CTNNA1: variants seen among roughly 807,000 people sequenced by gnomAD.
CTNNA1 encodes catenin alpha 1, also known as catenin alpha-1.
A neutral mutation model predicts 98.4 loss-of-function variants in CTNNA1; 37 were observed. The observed-to-expected ratio is 0.38, with a 90% CI of 0.29 to 0.49. CTNNA1 has a LOEUF of 0.49. CTNNA1 is among the 20% of genes least tolerant of loss of function. The pLI, the probability that CTNNA1 is intolerant of heterozygous loss-of-function variation, is 0.95. For synonymous variants in CTNNA1, 404 were observed against 413.2 expected (o/e 0.98, Z 0.27); for missense variants, 761 against 1,147.2 (o/e 0.66, Z 4.86).
chr5:138,879,948 AG>A (rs1330570756), intron 7 of CTNNA1, among the ~76,000 whole-genome samples: 1 of 152,150 alleles, frequency 6.6e-6, no homozygotes, highest in Admixed American at 6.5e-5. Flanking sequence ...GGGAAGTTTC[AG>A]GGTCAGAATC....
At chr5:138,770,589 T>C (rs1753428344) in intron 1 of CTNNA1, among the ~76,000 whole-genome samples, 1 of 152,220 alleles carries the variant, frequency 6.6e-6, no homozygotes, top group African/African-American at 2.4e-5. Context: ...CCTGGAATGC[T>C]CTCTTCCTCC....
At chr5:138,780,516 A>G (rs894289018) in intron 1 of CTNNA1, among the ~76,000 whole-genome samples, 1 of 148,134 alleles carries the variant, frequency 6.8e-6, no homozygotes, top group African/African-American at 2.5e-5. Context: ...TTTAATTTTT[A>G]TTATTATTAT....
chr5:138,934,321 A>G lies in CTNNA1; in HGVS notation c.*232A>G, dbSNP rs1386349372. 1 of 511,078 alleles carries G rather than the reference A, an allele frequency of 2.0e-6. No homozygotes were observed. Among genetic ancestry groups the G allele is most frequent in the African/African-American group, 1.9e-5 (1 of 51,886 alleles). The allele number at this position is 511,078 out of a possible 1,614,324, so 31.7% of individuals were successfully genotyped here. On this transcript the variant is annotated 3_prime_UTR_variant, in exon 18 of 18. Coordinates refer to ENST00000302763, the MANE Select transcript of CTNNA1 (RefSeq NM_001903.5). ...GTATTTTTTGTATGCTTAAATAAAA[A>G]TAAAAATTCATAACCAAAGAGAATC...
Position 138,757,651 on chromosome 5 carries a change from G to A in CTNNA1, c.-3+4141G>A, listed in dbSNP as rs138856165. Among the ~76,000 whole-genome samples the A allele has an allele frequency of 3.5e-3, 536 of 152,230 alleles. 1 individual carries two copies. Among genetic ancestry groups the A allele is most frequent in the Non-Finnish European group, 4.9e-3 (336 of 68,024 alleles). Reference sequence around the variant, plus strand: ...GGTGGTGCATTACATTATGCTGTACGTTATTATTGATGTACCTGTTTGCCT... The same window carrying A: ...GGTGGTGCATTACATTATGCTGTACATTATTATTGATGTACCTGTTTGCCT... On this transcript the variant is annotated intron_variant, in intron 1 of 17. Coordinates refer to ENST00000302763, the MANE Select transcript of CTNNA1 (RefSeq NM_001903.5).
At chr5:138,822,835 C>T (rs928477344) in intron 5 of CTNNA1, among the ~76,000 whole-genome samples, 1 of 152,110 alleles carries the variant, frequency 6.6e-6, no homozygotes, top group African/African-American at 2.4e-5. Context: ...AATAAAGATG[C>T]AAACCTAAAT....
At chr5:138,786,590 T>C (rs2149666467) in intron 3 of CTNNA1, among the ~76,000 whole-genome samples, 1 of 152,324 alleles carries the variant, frequency 6.6e-6, no homozygotes, top group South Asian at 2.1e-4. Context: ...GGGAGCAAAG[T>C]TATAAAAATG....
chr5:138,839,348 C>T (rs1193659314), intron 7 of CTNNA1, among the ~76,000 whole-genome samples: 1 of 151,946 alleles, frequency 6.6e-6, no homozygotes, highest in Non-Finnish European at 1.5e-5. Flanking sequence ...TTACAGGCAC[C>T]CGCCATCACG....
chr5:138,811,246 G>A (rs1311091560), intron 4 of CTNNA1, among the ~76,000 whole-genome samples: 11 of 145,176 alleles, frequency 7.6e-5, no homozygotes, highest in Middle Eastern at 3.4e-3. Context: ...ATGGGGTCGC[G>A]GCCGGGCAGA....
chr5:138,780,434 C>G (rs1303585570), intron 1 of CTNNA1, among the ~76,000 whole-genome samples: 2 of 151,678 alleles, frequency 1.3e-5, no homozygotes, highest in Admixed American at 1.3e-4. Flanking sequence ...ACCTCATGAT[C>G]TGCCCGCCTC....
chr5:138,916,723 T>C (rs1021297835), intron 10 of CTNNA1, among the ~76,000 whole-genome samples: 1 of 151,828 alleles, frequency 6.6e-6, no homozygotes, highest in Non-Finnish European at 1.5e-5. Context: ...GGGGTCTCAC[T>C]ATGTTATCCA....
intron 7 of CTNNA1, among the ~76,000 whole-genome samples, chr5:138,828,553 A>G (rs1384520732): frequency 6.6e-6 from 1 of 152,230 alleles, no homozygotes; most frequent in Non-Finnish European, 1.5e-5. Context: ...TAAATTAAGT[A>G]AAAATTATAT....
At chr5:138,801,322 A>G (rs1297892217) in intron 3 of CTNNA1, among the ~76,000 whole-genome samples, 7 of 152,166 alleles carry the variant, frequency 4.6e-5, no homozygotes, top group Admixed American at 4.6e-4. Flanking sequence ...AGGTTTGTGT[A>G]TATTTATGGT....
rs139765164 is a variant in CTNNA1, at chr5:138,907,932, A to G, written c.1389+3491A>G. Among the ~76,000 whole-genome samples the G allele has an allele frequency of 2.1e-3, 320 of 151,272 alleles. 2 individuals carry two copies. The highest frequency in any genetic ancestry group is 7.5e-3 in the African/African-American group (309 of 41,268). On this transcript the variant is annotated intron_variant, in intron 10 of 17. Coordinates refer to ENST00000302763, the MANE Select transcript of CTNNA1 (RefSeq NM_001903.5). ...GTGGGGAGAAATGACAGGTGGGACC[A>G]TTAGAGGAGTTTTCATCCCCATGCC...
rs756586452 is a variant in CTNNA1 at position 138,825,482 on chromosome 5, G to GTTT, written c.858+697_858+699dup. On this transcript the variant is annotated intron_variant, in intron 6 of 17. Coordinates refer to ENST00000302763, the MANE Select transcript of CTNNA1 (RefSeq NM_001903.5). ...CTTCCAGTAGATGGCAGCAGTATAA[G>GTTT]TTTTTTTTTTTTTTTTAGGGCTTTA... is the stretch of plus-strand genomic sequence containing the variant. Among the ~76,000 whole-genome samples, 28 of 74,114 alleles carry GTTT rather than the reference G, an allele frequency of 3.8e-4. 5 individuals are homozygous for GTTT. The highest frequency in any genetic ancestry group is 1.7e-3 in the East Asian group (3 of 1,784). 48.6% of individuals were successfully genotyped at this position (74,114 alleles called of 152,430 possible). A position where few individuals can be genotyped will look rare whatever the true frequency, so the allele number is the denominator to read the frequency against.
intron 1 of CTNNA1, chr5:138,761,973 C>T (rs2036689): frequency 2.6e-4 from 39 of 152,340 alleles, no homozygotes; most frequent in African/African-American, 8.4e-4. Flanking sequence ...CCAGGCTGGT[C>T]TCAAACTCCT....
rs2150295866 is a variant in CTNNA1 at position 138,925,393 on chromosome 5, G to A, written c.1885G>A (p.Val629Met). ...YDGIRDIRKA[V>M]LMIRTPEELD... ...TGGCATCCGGGACATCAGGAAAGCA[G>A]TGCTGATGATAAGGGTGAGTAACTG... Residue 629 changes from valine (V) to methionine (M), a missense_variant, in exon 13 of 18, where the codon GTG (valine) becomes ATG (methionine). By Grantham distance (21) the Val-to-Met change is conservative. Transcript: ENST00000302763. 6.2e-7 allele frequency: 1 copy of A among 1,614,154 alleles called. No individual in the cohort carries two copies. The highest frequency in any genetic ancestry group is 1.1e-5 in the South Asian group (1 of 91,082).
chr5:138,816,337 C>A (rs1759431987), intron 5 of CTNNA1, among the ~76,000 whole-genome samples: 1 of 152,176 alleles, frequency 6.6e-6, no homozygotes, highest in Non-Finnish European at 1.5e-5. Context: ...CTGCAGTAAA[C>A]ACAGGAATGC....
chr5:138,861,777 A>G (rs1764305984), intron 7 of CTNNA1, among the ~76,000 whole-genome samples: 1 of 152,246 alleles, frequency 6.6e-6, no homozygotes, highest in South Asian at 2.1e-4. Flanking sequence ...ATCTGTACAA[A>G]GAGCAAAGAG....
chr5:138,809,427 A>T (rs1364144694), intron 3 of CTNNA1, among the ~76,000 whole-genome samples: 1 of 152,200 alleles, frequency 6.6e-6, no homozygotes, highest in Non-Finnish European at 1.5e-5. Flanking sequence ...ATATATATAA[A>T]TATTTTCATA....
Sources: gnomAD v4.1 joint callset for allele counts (sites outside exome capture counted in the v4.1 genomes callset) on GRCh38, gnomAD v4.1.1 for gene constraint, MANE v1.5 for transcripts, NCBI Gene and HGNC (gene_info 2026-07-23, HGNC 2026-07-21) for gene names.